SLC26A3: variants seen among roughly 807,000 people sequenced by gnomAD.
The protein encoded by SLC26A3 is chloride anion exchanger.
A neutral mutation model predicts 85.6 loss-of-function variants in SLC26A3; 64 were observed. That is an observed-to-expected ratio of 0.75 (90% CI 0.61 to 0.92). The LOEUF is 0.92. SLC26A3 is among the 40% of genes least tolerant of loss of function. SLC26A3 has a pLI of 0.00. For missense variants in SLC26A3, 922 were observed against 927.3 expected (o/e 0.99, Z 0.07); for synonymous variants, 349 against 336.0 (o/e 1.04, Z -0.42).
At chr7:107,790,095 A>C (rs1794367304) in intron 5 of SLC26A3, among the ~76,000 whole-genome samples, 3 of 152,256 alleles carry the variant, frequency 2.0e-5, no homozygotes, top group African/African-American at 7.2e-5. Context: ...TGGAGCACGC[A>C]TGAGCGAGTG....
At position 107,797,740 on chromosome 7, in the gene SLC26A3, C is replaced by CTTTTTTTT. The variant is rs375903590; in HGVS notation, c.-88-3151_-88-3144dup. Among the ~76,000 whole-genome samples, 60 of 127,422 alleles carry CTTTTTTTT rather than the reference C, an allele frequency of 4.7e-4. 4 individuals are homozygous for CTTTTTTTT. Among genetic ancestry groups the CTTTTTTTT allele is most frequent in the African/African-American group, 1.1e-3 (34 of 30,554 alleles). 83.6% of individuals were successfully genotyped at this position (127,422 alleles called of 152,430 possible). ...CATTTCTGAGATTCTTGAGCAGGAC[C>CTTTTTTTT]TTTTTTTTTTGAGACGGAGTCTTGC... On this transcript the variant is annotated intron_variant, in intron 1 of 20. Transcript: ENST00000340010.
chr7:107,796,179 C>T (rs955762056), intron 1 of SLC26A3, among the ~76,000 whole-genome samples: 2 of 151,890 alleles, frequency 1.3e-5, no homozygotes, highest in African/African-American at 4.8e-5. Context: ...GCAATCATAG[C>T]TCACTATGGC....
At chr7:107,775,017 A>C (rs1794087464) in intron 15 of SLC26A3, 145 bp from the exon 16 acceptor site, 1 of 723,748 alleles carries the variant, frequency 1.4e-6, no homozygotes, top group African/African-American at 1.7e-5. Context: ...TGGTTTAAAC[A>C]ATATCAGCCA....
At chr7:107,775,505 G>A (rs1794096909) in intron 15 of SLC26A3, among the ~76,000 whole-genome samples, 1 of 152,008 alleles carries the variant, frequency 6.6e-6, no homozygotes, top group Non-Finnish European at 1.5e-5. Context: ...TGGGAGGATT[G>A]CGTGAGGCCA....
chr7:107,796,742 C>T (rs998468878), intron 1 of SLC26A3, among the ~76,000 whole-genome samples: 11 of 148,396 alleles, frequency 7.4e-5, no homozygotes, highest in Middle Eastern at 3.2e-3. Context: ...CTTATAAGAA[C>T]AGCTTTAATC....
chr7:107,767,319 A>G (rs1034257802), intron 20 of SLC26A3, among the ~76,000 whole-genome samples: 1 of 152,244 alleles, frequency 6.6e-6, no homozygotes, highest in Non-Finnish European at 1.5e-5. Context: ...TTTGAAAAAC[A>G]AAAGAAGATA....
chr7:107,776,827 A>T (rs2115823058), intron 13 of SLC26A3, 121 bp from the exon 14 acceptor site: 1 of 861,982 alleles, frequency 1.2e-6, no homozygotes. Flanking sequence ...AAGGTTGGGG[A>T]ATCATCATGC....
At chr7:107,772,749 C>T (rs780824273) in intron 17 of SLC26A3, among the ~76,000 whole-genome samples, 2 of 151,494 alleles carry the variant, frequency 1.3e-5, no homozygotes, top group Non-Finnish European at 2.9e-5. Context: ...ACTGCTAGAA[C>T]CAAAAAATAA....
chr7:107,774,220 C>A, intron 16 of SLC26A3, 67 bp from the exon 17 acceptor site: 1 of 1,232,054 alleles, frequency 8.1e-7, no homozygotes, highest in South Asian at 1.2e-5. Flanking sequence ...CAGAGATAGC[C>A]AGTGAGTTTC....
intron 18 of SLC26A3, among the ~76,000 whole-genome samples, chr7:107,770,082 CT>C (rs1420007967): frequency 9.1e-6 from 1 of 110,180 alleles, no homozygotes; most frequent in African/African-American, 3.2e-5. Flanking sequence ...TCTCTTTTTT[CT>C]TTCTTTCTTT....
intron 12 of SLC26A3, 33 bp downstream of exon 12, chr7:107,779,635 A>G (rs374896030): frequency 1.3e-6 from 2 of 1,494,870 alleles, no homozygotes; most frequent in African/African-American, 2.8e-5. Flanking sequence ...ATTGTGATTT[A>G]TCTCTCTTTC....
chr7:107,785,714 A>G lies in SLC26A3; in HGVS notation c.971+1113T>C, dbSNP rs1248263265. Among the ~76,000 whole-genome samples the G allele has an allele frequency of 2.6e-5, 4 of 152,200 alleles. No individual in the cohort carries two copies. In the South Asian group the frequency reaches 6.2e-4, roughly 24 times the overall value. On this transcript the variant is annotated intron_variant, in intron 8 of 20. Transcript: ENST00000340010. ...TTAAAAGTGATGCTTGAGATTCGTGAAATGTAACACACGAAGATCTGGTAA... is the reference window on the plus strand; with the variant it reads ...TTAAAAGTGATGCTTGAGATTCGTGGAATGTAACACACGAAGATCTGGTAA...
intron 1 of SLC26A3, among the ~76,000 whole-genome samples, chr7:107,799,369 C>T (rs1794563462): frequency 6.6e-6 from 1 of 151,972 alleles, no homozygotes; most frequent in South Asian, 2.1e-4. Context: ...TGATTCAAGC[C>T]ATCAATTTTC....
intron 1 of SLC26A3, among the ~76,000 whole-genome samples, chr7:107,800,128 C>T (rs1278364592): frequency 1.3e-5 from 2 of 152,180 alleles, no homozygotes; most frequent in African/African-American, 2.4e-5. Context: ...TTAACAGTTC[C>T]GTATCTCTGT....
intron 4 of SLC26A3, 109 bp from the exon 5 acceptor site, chr7:107,791,344 G>A: frequency 1.7e-6 from 2 of 1,182,726 alleles, no homozygotes; most frequent in Non-Finnish European, 2.5e-6. Context: ...GGGCGTGGTG[G>A]CTCACGCCTG....
At chr7:107,787,599 G>A (rs1384815927) in intron 6 of SLC26A3, 90 bp from the exon 7 acceptor site, 3 of 1,128,650 alleles carry the variant, frequency 2.7e-6, no homozygotes, top group African/African-American at 3.1e-5. Flanking sequence ...AATAAACATG[G>A]AAGCAAAAAG....
intron 11 of SLC26A3, among the ~76,000 whole-genome samples, chr7:107,780,748 T>C (rs1794203876): frequency 6.6e-6 from 1 of 152,138 alleles, no homozygotes; most frequent in South Asian, 2.1e-4. Flanking sequence ...AGAATAGAGG[T>C]CACAGTTTAG....
At position 107,767,784 on chromosome 7, in the gene SLC26A3, T is replaced by C. The variant is rs1363990018; in HGVS notation, c.2187A>G (p.Ser729=). 6.2e-7 allele frequency: 1 copy of C among 1,613,888 alleles called. No homozygotes were observed. Among genetic ancestry groups the C allele is most frequent in the Admixed American group, 1.7e-5 (1 of 59,996 alleles). Reference sequence around the variant, plus strand: ...CTGATACCTGACTGGGATTAAACTTTGAAGTACTGTAATCTTTCTTCATCA... The same window carrying C: ...CTGATACCTGACTGGGATTAAACTTCGAAGTACTGTAATCTTTCTTCATCA... The part of the protein sequence containing the change: ...HILMKKDYST[S]KFNPSQEKDG... The change falls in exon 19 of 21, where the codon TCA becomes TCG. Residue 729 remains serine (S), a synonymous_variant. Transcript: ENST00000340010.
chr7:107,782,725 C>T, intron 11 of SLC26A3, 72 bp downstream of exon 11: 2 of 1,395,718 alleles, frequency 1.4e-6, no homozygotes, highest in Non-Finnish European at 1.0e-6. Flanking sequence ...TTAGTTTGTG[C>T]TTTCAGAATT....
Sources: allele counts gnomAD v4.1 joint callset (sites outside exome capture counted in the v4.1 genomes callset), GRCh38; gene constraint gnomAD v4.1.1; transcripts MANE v1.5; gene names NCBI Gene and HGNC (gene_info 2026-07-23, HGNC 2026-07-21).